Variants in COP1 observed in about 807,000 individuals in gnomAD.
The protein encoded by COP1 is COP1 E3 ubiquitin ligase.
A neutral mutation model predicts 101.3 loss-of-function variants in COP1; 24 were observed. The ratio of observed to expected loss-of-function variants is 0.24; its 90% CI spans 0.17 to 0.33. The LOEUF is 0.33. COP1 is among the 10% of genes least tolerant of loss of function. The pLI is 1.00. For synonymous variants in COP1, 347 were observed against 341.9 expected (o/e 1.01, Z -0.17); for missense variants, 663 against 906.2 (o/e 0.73, Z 3.45).
chr1:176,052,435 A>G (rs917389562), intron 11 of COP1, among the ~76,000 whole-genome samples: 22 of 152,042 alleles, frequency 1.4e-4, no homozygotes, highest in African/African-American at 4.6e-4. Context: ...CCTTATCAAG[A>G]CTCCTACTCC....
intron 14 of COP1, among the ~76,000 whole-genome samples, chr1:176,042,490 G>A (rs1250829296): frequency 6.8e-6 from 1 of 148,004 alleles, no homozygotes; most frequent in Non-Finnish European, 1.5e-5. Flanking sequence ...TTGAACCTGG[G>A]AGGCGGAGGT....
chr1:175,976,717 A>C (rs1654685707), intron 18 of COP1, among the ~76,000 whole-genome samples: 1 of 152,348 alleles, frequency 6.6e-6, no homozygotes, highest in Non-Finnish European at 1.5e-5. Context: ...TATCAGTATT[A>C]GTTGTGAAAC....
chr1:176,055,307 C>A (rs1226390138), intron 11 of COP1, among the ~76,000 whole-genome samples: 1 of 152,182 alleles, frequency 6.6e-6, no homozygotes. Context: ...TGGTGGCAGG[C>A]ACCTGTAATC....
chr1:176,169,221 T>C (rs1340172703), intron 3 of COP1, among the ~76,000 whole-genome samples: 4 of 152,174 alleles, frequency 2.6e-5, no homozygotes, highest in African/African-American at 7.2e-5. Context: ...TATTCATCAA[T>C]GCCACTTAAA....
intron 8 of COP1, among the ~76,000 whole-genome samples, chr1:176,123,581 C>G (rs1274488686): frequency 1.3e-5 from 2 of 152,076 alleles, no homozygotes; most frequent in African/African-American, 2.4e-5. Context: ...CTGGTATATA[C>G]CAATAATTTG....
intron 1 of COP1, among the ~76,000 whole-genome samples, chr1:176,196,152 T>C (rs941266025): frequency 6.6e-6 from 1 of 152,186 alleles, no homozygotes; most frequent in Non-Finnish European, 1.5e-5. Context: ...AGATTAAGTG[T>C]TGCTATTGAA....
chr1:176,173,759 G>A (rs557935334), intron 3 of COP1, among the ~76,000 whole-genome samples: 119 of 151,806 alleles, frequency 7.8e-4, no homozygotes, highest in Middle Eastern at 3.4e-3. Flanking sequence ...AGGCTGAGGC[G>A]GGAGGATCGC....
At chr1:176,106,433 C>A (rs544940435) in intron 9 of COP1, among the ~76,000 whole-genome samples, 9 of 151,760 alleles carry the variant, frequency 5.9e-5, no homozygotes, top group Non-Finnish European at 1.3e-4. Context: ...GCCACAAGAT[C>A]AGAAATTATA....
intron 9 of COP1, among the ~76,000 whole-genome samples, chr1:176,088,175 G>A (rs908938670): frequency 6.6e-6 from 1 of 151,788 alleles, no homozygotes; most frequent in Non-Finnish European, 1.5e-5. Flanking sequence ...AACGGGTCCA[G>A]CAAACCAACA....
At chr1:175,998,707 C>T (rs1660889026) in intron 15 of COP1, among the ~76,000 whole-genome samples, 1 of 151,942 alleles carries the variant, frequency 6.6e-6, no homozygotes, top group East Asian at 1.9e-4. Flanking sequence ...GATGATTTTA[C>T]CTTTCTGGTG....
rs34562172 is a variant in COP1 at position 176,098,508 on chromosome 1, TG to T, written c.1027-12619del. On this transcript the variant is annotated intron_variant, in intron 9 of 19. Coordinates refer to ENST00000367669, the MANE Select transcript of COP1 (RefSeq NM_022457.7). ...AAAAAAAGCTAAAAGTTCAAACAAG[TG>T]ATGGAAGGATTGTAAAAATTAATCT... Among the ~76,000 whole-genome samples the T allele has an allele frequency of 7.2e-3, 1,100 of 152,254 alleles. 9 individuals carry two copies. Among genetic ancestry groups the T allele is most frequent in the Middle Eastern group, 0.02 (6 of 294 alleles).
intron 15 of COP1, among the ~76,000 whole-genome samples, chr1:175,989,851 T>C (rs10753112): frequency 0.4 from 60,526 of 151,888 alleles, 12,276 homozygotes; most frequent in Admixed American, 0.44. Flanking sequence ...ACTAAAAATA[T>C]TGTATGCAAT....
At chr1:176,030,532 G>A (rs1196517073) in intron 14 of COP1, among the ~76,000 whole-genome samples, 2 of 152,118 alleles carry the variant, frequency 1.3e-5, no homozygotes, top group Non-Finnish European at 2.9e-5. Flanking sequence ...TAGAAGGGTG[G>A]CAGGTCTTTT....
intron 9 of COP1, among the ~76,000 whole-genome samples, chr1:176,089,796 A>G (rs1251449938): frequency 1.3e-5 from 2 of 152,232 alleles, no homozygotes; most frequent in East Asian, 3.8e-4. Context: ...TTAGTTTTCA[A>G]CCTGACTCTG....
At chr1:176,113,959 T>TTA (rs1685734432) in intron 9 of COP1, among the ~76,000 whole-genome samples, 1 of 151,384 alleles carries the variant, frequency 6.6e-6, no homozygotes, top group East Asian at 1.9e-4. Flanking sequence ...TTTTTTTTTT[T>TTA]TATAGTTTGC....
chr1:175,986,763 T>C (rs1657221852), intron 18 of COP1, among the ~76,000 whole-genome samples, 180 bp downstream of exon 18: 1 of 152,222 alleles, frequency 6.6e-6, no homozygotes, highest in Non-Finnish European at 1.5e-5. Context: ...ATGACATTGC[T>C]CTATTACTAT....
At chr1:176,108,027 G>A (rs1684620158) in intron 9 of COP1, among the ~76,000 whole-genome samples, 2 of 46,466 alleles carry the variant, frequency 4.3e-5, no homozygotes, top group Non-Finnish European at 6.0e-5. Context: ...ATTGGTCCTG[G>A]ACCAGATTTT....
chr1:176,052,894 G>T (rs1402511037), intron 11 of COP1, among the ~76,000 whole-genome samples: 3 of 151,776 alleles, frequency 2.0e-5, no homozygotes, highest in African/African-American at 7.3e-5. Flanking sequence ...GCACATATGA[G>T]AGCAACCTCA....
At chr1:176,160,186 GGAA>G (rs1159789558) in intron 5 of COP1, 4 of 307,424 alleles carry the variant, frequency 1.3e-5, no homozygotes, top group Admixed American at 1.3e-4. Context: ...TGAGAAGGTA[GGAA>G]GAAGGTTACC....
Sources: allele counts gnomAD v4.1 joint callset (sites outside exome capture counted in the v4.1 genomes callset), GRCh38; gene constraint gnomAD v4.1.1; transcripts MANE v1.5; gene names NCBI Gene and HGNC (gene_info 2026-07-23, HGNC 2026-07-21).